The following KALRN variants were observed in gnomAD, a reference collection of about 807,000 sequenced individuals.
The protein encoded by KALRN is kalirin RhoGEF kinase, also known as kalirin.
In KALRN, 70 loss-of-function variants were observed where a neutral mutation model predicts 353.7. That is an observed-to-expected ratio of 0.20 (90% CI 0.16 to 0.24). The LOEUF is 0.24. Among genes scored for constraint, KALRN ranks in the 10% least tolerant of loss-of-function variants. KALRN has a pLI of 1.00. For synonymous variants in KALRN, 1,391 were observed against 1,434.8 expected (o/e 0.97, Z 0.69); for missense variants, 2,791 against 3,756.7 (o/e 0.74, Z 6.72).
intron 30 of KALRN, 64 bp downstream of exon 30, chr3:124,490,948 G>A (rs2063092952): frequency 2.1e-6 from 3 of 1,433,494 alleles, no homozygotes; most frequent in Non-Finnish European, 2.9e-6. Context: ...GGCAGGAAGG[G>A]ATCTGGACAC....
chr3:124,298,910 C>T lies in KALRN; in HGVS notation c.1089C>T (p.Ser363=), dbSNP rs1198438621. 2.5e-6 allele frequency: 4 copies of T among 1,614,160 alleles called. No individual in the cohort carries two copies. The highest frequency in any genetic ancestry group is 3.4e-6 in the Non-Finnish European group (4 of 1,180,006). The change falls in exon 6 of 60, where the codon TCC becomes TCT. Residue 363 remains serine, a synonymous_variant. Coordinates refer to ENST00000682506, the MANE Select transcript of KALRN (RefSeq NM_001388419.1). ...QTQHNHFAMN[S]MNAYVNINRI... ...AGCACAATCACTTTGCCATGAACTC[C>T]ATGGTGAGCTGAGGGGCTGTTCTCA... is the stretch of plus-strand genomic sequence containing the variant.
rs1457312096 is a variant in KALRN at position 124,586,271 on chromosome 3, ATC to A, written c.5182+23184_5182+23185del. Among the ~76,000 whole-genome samples, 7 of 152,324 alleles carry A rather than the reference ATC, an allele frequency of 4.6e-5. No individual in the cohort carries two copies. The East Asian group carries it at 5.8e-4, about 13-fold the overall frequency. On this transcript the variant is annotated intron_variant, in intron 34 of 59. Transcript: ENST00000682506. ...AGGAAGCAGGAAATGGCCAAGGGGA[ATC>A]TGAGTGGGTGGGTTCGCTCGAAGGC...
At chr3:124,675,868 C>A (rs1180922909) in intron 49 of KALRN, among the ~76,000 whole-genome samples, 1 of 152,118 alleles carries the variant, frequency 6.6e-6, no homozygotes, top group Non-Finnish European at 1.5e-5. Flanking sequence ...GCAGTGGCAC[C>A]AGCATAACTG....
chr3:124,560,587 C>T (rs777992667), intron 33 of KALRN, among the ~76,000 whole-genome samples: 3 of 152,216 alleles, frequency 2.0e-5, no homozygotes, highest in Non-Finnish European at 4.4e-5. Context: ...GTATTTCTTA[C>T]AGAGCACTTT....
rs78520708 is a variant in KALRN at position 124,280,124 on chromosome 3, G to A, written c.969+10869G>A. ...GATTCTGGCAAATGGTTCAGGTCTT[G>A]CCAGGAGCATCTGAGAATCCTAAAG... is the stretch of plus-strand genomic sequence containing the variant. On this transcript the variant is annotated intron_variant, in intron 5 of 59. Transcript: ENST00000682506. Among the ~76,000 whole-genome samples, 581 of 152,352 alleles carry A rather than the reference G, an allele frequency of 3.8e-3. 6 individuals are homozygous for A. Among genetic ancestry groups the A allele is most frequent in the African/African-American group, 0.013 (561 of 41,578 alleles).
intron 1 of KALRN, among the ~76,000 whole-genome samples, chr3:124,185,536 G>C (rs1232979779): frequency 6.6e-6 from 1 of 152,190 alleles, no homozygotes; most frequent in African/African-American, 2.4e-5. Flanking sequence ...TATCCACTGT[G>C]ATCCTCCAAG....
At chr3:124,139,445 C>A (rs1283939062) in intron 1 of KALRN, among the ~76,000 whole-genome samples, 3 of 152,144 alleles carry the variant, frequency 2.0e-5, no homozygotes, top group African/African-American at 7.2e-5. Context: ...ATTCCTCCTG[C>A]AGTTTATTGT....
chr3:124,564,650 A>G (rs978724714), intron 34 of KALRN, among the ~76,000 whole-genome samples: 5 of 152,254 alleles, frequency 3.3e-5, no homozygotes, highest in Non-Finnish European at 7.3e-5. Flanking sequence ...ACTGCACTCC[A>G]GACTGGGTGA....
chr3:124,585,525 G>A (rs1321772144), intron 34 of KALRN, among the ~76,000 whole-genome samples: 1 of 152,068 alleles, frequency 6.6e-6, no homozygotes, highest in Non-Finnish European at 1.5e-5. Flanking sequence ...TAATTATTCT[G>A]CTAATCTTAA....
Position 124,632,664 on chromosome 3 carries a change from TG to T in KALRN, c.5431del (p.Asp1811MetfsTer34). On this transcript the variant is annotated frameshift_variant, in exon 35 of 60. Coordinates refer to ENST00000682506, the MANE Select transcript of KALRN (RefSeq NM_001388419.1). LOFTEE classifies it high-confidence loss of function. ...GCTTTGACCTGGGATCTCCCAAGCC[TG>T]GGGATGAAACAACCCCTCAGGGAGA... ...KSFDLGSPKP[G>X]DETTPQGDSA... 1 of 1,614,138 alleles carries T rather than the reference TG, an allele frequency of 6.2e-7. No individual in the cohort carries two copies. Among genetic ancestry groups the T allele is most frequent in the Non-Finnish European group, 8.5e-7 (1 of 1,180,016 alleles).
rs778470678 is a variant in KALRN at position 124,666,442 on chromosome 3, C to G, written c.6346-7C>G. 6.2e-7 allele frequency: 1 copy of G among 1,613,362 alleles called. No homozygotes were observed. Among genetic ancestry groups the G allele is most frequent in the South Asian group, 1.1e-5 (1 of 91,034 alleles). ...ATTCACTTCACCCCAGCCCGTCTTTCCTTCAGGGCACTCTGACTGCTCAGG... is the reference window on the plus strand; with the variant it reads ...ATTCACTTCACCCCAGCCCGTCTTTGCTTCAGGGCACTCTGACTGCTCAGG... On this transcript the variant is annotated splice_polypyrimidine_tract_variant and splice_region_variant and intron_variant, in intron 45 of 59. Transcript: ENST00000682506.
At chr3:124,345,623 A>G (rs990123659) in intron 9 of KALRN, among the ~76,000 whole-genome samples, 3 of 152,220 alleles carry the variant, frequency 2.0e-5, no homozygotes, top group Non-Finnish European at 2.9e-5. Context: ...TAAAATCTCC[A>G]TAATGTTTAG....
At chr3:124,434,952 C>T (rs541678062) in intron 17 of KALRN, among the ~76,000 whole-genome samples, 8 of 152,340 alleles carry the variant, frequency 5.3e-5, no homozygotes, top group African/African-American at 1.9e-4. Context: ...AGGCTTCGAG[C>T]TGCAGACTGG....
At chr3:124,691,102 G>A (rs1405257029) in intron 51 of KALRN, among the ~76,000 whole-genome samples, 1 of 152,190 alleles carries the variant, frequency 6.6e-6, no homozygotes. Context: ...TAATAGGTTC[G>A]ACCGTGCTGT....
intron 1 of KALRN, among the ~76,000 whole-genome samples, chr3:124,090,578 G>C (rs1315844289): frequency 6.6e-6 from 1 of 152,224 alleles, no homozygotes; most frequent in Non-Finnish European, 1.5e-5. Context: ...TGAGAGGAGA[G>C]AGGCCCCTCT....
chr3:124,219,098 C>T (rs998158259), intron 1 of KALRN, among the ~76,000 whole-genome samples: 2 of 152,144 alleles, frequency 1.3e-5, no homozygotes, highest in African/African-American at 2.4e-5. Context: ...ACACTTTTTA[C>T]GTAGAAGGTG....
chr3:124,136,149 G>C (rs1317897219), intron 1 of KALRN, among the ~76,000 whole-genome samples: 1 of 152,044 alleles, frequency 6.6e-6, no homozygotes, highest in African/African-American at 2.4e-5. Context: ...AAGCTCCCCA[G>C]CTTATTTTAA....
At chr3:124,666,261 A>G (rs954565179) in intron 45 of KALRN, among the ~76,000 whole-genome samples, 188 bp from the exon 46 acceptor site, 1 of 152,198 alleles carries the variant, frequency 6.6e-6, no homozygotes, top group African/African-American at 2.4e-5. Context: ...TTGTGTGAAC[A>G]GGAAAGTGGC....
chr3:124,219,880 C>G (rs1423592616), intron 1 of KALRN, among the ~76,000 whole-genome samples: 2 of 151,394 alleles, frequency 1.3e-5, no homozygotes, highest in Non-Finnish European at 2.9e-5. Flanking sequence ...CTCTCTCTCT[C>G]TCTCTCTGCC....
Sources: allele counts gnomAD v4.1 joint callset (sites outside exome capture counted in the v4.1 genomes callset), GRCh38; gene constraint gnomAD v4.1.1; transcripts MANE v1.5; gene names NCBI Gene and HGNC (gene_info 2026-07-23, HGNC 2026-07-21).